SLC15A5: variants seen among roughly 807,000 people sequenced by gnomAD.
SLC15A5 encodes the protein solute carrier family 15 member 5.
SLC15A5 carries 58 observed loss-of-function variants against 56.1 expected under a neutral mutation model. The ratio of observed to expected loss-of-function variants is 1.03; its 90% CI spans 0.84 to 1.29. SLC15A5 has a LOEUF of 1.29. Ranked by LOEUF, SLC15A5 falls within the 50% of genes most tolerant of loss-of-function variation. SLC15A5 has a pLI of 0.00. For missense variants in SLC15A5, 681 were observed against 672.1 expected (o/e 1.01, Z -0.15); for synonymous variants, 264 against 250.5 (o/e 1.05, Z -0.51).
intron 6 of SLC15A5, among the ~76,000 whole-genome samples, chr12:16,217,853 A>AT (rs1864145423): frequency 6.6e-6 from 1 of 152,046 alleles, no homozygotes; most frequent in African/African-American, 2.4e-5. Flanking sequence ...TTCCCAAGTC[A>AT]TTTTTTGGGT....
chr12:16,198,889 A>G (rs145016078), intron 7 of SLC15A5, among the ~76,000 whole-genome samples: 99 of 152,220 alleles, frequency 6.5e-4, no homozygotes, highest in African/African-American at 2.3e-3. Flanking sequence ...GTAAGGCTCA[A>G]AATTTCATTT....
intron 6 of SLC15A5, among the ~76,000 whole-genome samples, chr12:16,219,058 A>C (rs1445833810): frequency 6.6e-6 from 1 of 152,190 alleles, no homozygotes; most frequent in Non-Finnish European, 1.5e-5. Flanking sequence ...GCACTTCAGG[A>C]AAGTGCTCAG....
intron 7 of SLC15A5, among the ~76,000 whole-genome samples, chr12:16,198,042 T>C (rs367704811): frequency 9.0e-4 from 137 of 152,220 alleles, no homozygotes; most frequent in Admixed American, 2.2e-3. Flanking sequence ...GTGTGCCACA[T>C]AGAGTCTGAT....
rs951971685 is a variant in SLC15A5 at position 16,244,528 on chromosome 12, G to A, written c.975+52C>T. 2.7e-6 allele frequency: 4 copies of A among 1,467,816 alleles called. No homozygotes were observed. The Admixed American group carries it at 7.9e-5, about 29-fold the overall frequency. The allele number at this position is 1,467,816 out of a possible 1,614,324, so 90.9% of individuals were successfully genotyped here. On this transcript the variant is annotated intron_variant, in intron 4 of 8. Transcript: ENST00000344941. ...AAAATTCACCTTGACTTGCACTGTTGACATGCAATCACTTTCCTGTTGTTG... is the reference window on the plus strand; with the variant it reads ...AAAATTCACCTTGACTTGCACTGTTAACATGCAATCACTTTCCTGTTGTTG...
intron 5 of SLC15A5, among the ~76,000 whole-genome samples, chr12:16,229,678 AC>A (rs1425155277): frequency 2.0e-5 from 3 of 149,774 alleles, no homozygotes; most frequent in African/African-American, 7.4e-5. Flanking sequence ...ACACACACAC[AC>A]ACACAATCTT....
chr12:16,203,732 A>T (rs1298370298), intron 7 of SLC15A5, among the ~76,000 whole-genome samples: 2 of 152,170 alleles, frequency 1.3e-5, no homozygotes, highest in Non-Finnish European at 2.9e-5. Flanking sequence ...AAAGATGCAA[A>T]GCATAGGAGT....
chr12:16,205,392 A>G (rs948577476), intron 7 of SLC15A5, among the ~76,000 whole-genome samples: 5 of 151,690 alleles, frequency 3.3e-5, no homozygotes, highest in Non-Finnish European at 7.4e-5. Context: ...CACTGAAGGA[A>G]TAATCCCATT....
intron 8 of SLC15A5, among the ~76,000 whole-genome samples, chr12:16,191,878 C>A (rs1158266487): frequency 6.6e-6 from 1 of 152,090 alleles, no homozygotes; most frequent in Non-Finnish European, 1.5e-5. Context: ...GACATCCATT[C>A]TTTTCCTGTG....
chr12:16,208,079 G>T (rs2136242776), intron 7 of SLC15A5, among the ~76,000 whole-genome samples: 1 of 146,294 alleles, frequency 6.8e-6, no homozygotes, highest in South Asian at 2.4e-4. Context: ...ATGGCTCACT[G>T]CATACCTCAT....
chr12:16,242,529 T>C (rs1191465024), intron 4 of SLC15A5, among the ~76,000 whole-genome samples: 1 of 152,214 alleles, frequency 6.6e-6, no homozygotes, highest in African/African-American at 2.4e-5. Flanking sequence ...AATAGCCATG[T>C]AGCCTTGCTG....
At chr12:16,202,570 C>T (rs7314002) in intron 7 of SLC15A5, among the ~76,000 whole-genome samples, 79,633 of 151,870 alleles carry the variant, frequency 0.52, 21,290 homozygotes, top group South Asian at 0.73. Context: ...ATTACCATAG[C>T]ATTACCACAT....
At chr12:16,273,472 C>T (rs912668199) in intron 1 of SLC15A5, among the ~76,000 whole-genome samples, 1 of 152,008 alleles carries the variant, frequency 6.6e-6, no homozygotes, top group African/African-American at 2.4e-5. Context: ...TTGCAGGGAC[C>T]ACACTTGATG....
chr12:16,252,136 A>G (rs1303300949), intron 3 of SLC15A5, among the ~76,000 whole-genome samples: 1 of 152,120 alleles, frequency 6.6e-6, no homozygotes, highest in South Asian at 2.1e-4. Context: ...AACATTAGAC[A>G]AACTAAGAAT....
At chr12:16,259,839 C>T (rs1565673250) in intron 2 of SLC15A5, among the ~76,000 whole-genome samples, 2 of 151,144 alleles carry the variant, frequency 1.3e-5, no homozygotes, top group South Asian at 2.1e-4. Flanking sequence ...AGCCTTGCTG[C>T]ATACTTTCTG....
chr12:16,214,134 G>T (rs975251987), intron 7 of SLC15A5, among the ~76,000 whole-genome samples: 1 of 152,082 alleles, frequency 6.6e-6, no homozygotes, highest in Non-Finnish European at 1.5e-5. Context: ...TAAAAAATTA[G>T]AATAATAATG....
intron 6 of SLC15A5, among the ~76,000 whole-genome samples, chr12:16,220,888 G>A (rs1453023623): frequency 6.6e-6 from 1 of 152,068 alleles, no homozygotes; most frequent in Non-Finnish European, 1.5e-5. Context: ...CACCCACACA[G>A]TATTTTTTGA....
intron 6 of SLC15A5, among the ~76,000 whole-genome samples, chr12:16,217,812 A>G (rs549161747): frequency 5.3e-5 from 8 of 152,138 alleles, no homozygotes; most frequent in Non-Finnish European, 1.2e-4. Flanking sequence ...CAATAGCTTA[A>G]GCATTGGTTC....
At position 16,239,810 on chromosome 12, in the gene SLC15A5, G is replaced by C; in HGVS notation, c.1033C>G (p.Leu345Val). The stretch of plus-strand genomic sequence containing the variant: ...GCATTCATTACTGCAATCGGCAGAA[G>C]AAATCCATCCAAATTCAGGTTGGAA... The part of the protein sequence containing the change: ...MNSNLNLDGF[L>V]LPIAVMNAIS... The change falls in exon 5 of 9, where the codon CTT becomes GTT. Residue 345 changes from leucine to valine, a missense_variant. Leu to Val is a conservative substitution (Grantham distance 32, BLOSUM62 1). Coordinates refer to ENST00000344941, the MANE Select transcript of SLC15A5 (RefSeq NM_001170798.1). 1 of 1,537,210 alleles carries C rather than the reference G, an allele frequency of 6.5e-7. No homozygotes were observed. Among genetic ancestry groups the C allele is most frequent in the Non-Finnish European group, 8.7e-7 (1 of 1,146,872 alleles).
At chr12:16,220,569 A>T (rs1864175944) in intron 6 of SLC15A5, among the ~76,000 whole-genome samples, 1 of 152,208 alleles carries the variant, frequency 6.6e-6, no homozygotes, top group Non-Finnish European at 1.5e-5. Context: ...TATTTTAATA[A>T]AGTTTTATTG....
Sources: gnomAD v4.1 joint callset for allele counts (sites outside exome capture counted in the v4.1 genomes callset) on GRCh38, gnomAD v4.1.1 for gene constraint, MANE v1.5 for transcripts, NCBI Gene and HGNC (gene_info 2026-07-23, HGNC 2026-07-21) for gene names.